The following GDAP1 variants were observed in gnomAD, a reference collection of about 807,000 sequenced individuals.
GDAP1 encodes the protein ganglioside-induced differentiation-associated protein 1.
In GDAP1, 34 loss-of-function variants were observed where a neutral mutation model predicts 40.1. The observed-to-expected ratio is 0.85, with a 90% CI of 0.64 to 1.13. GDAP1 has a LOEUF of 1.13. Ranked by LOEUF, GDAP1 falls within the 50% of genes most tolerant of loss-of-function variation. GDAP1 has a pLI of 0.00. For missense variants in GDAP1, 374 were observed against 433.7 expected (o/e 0.86, Z 1.22); for synonymous variants, 170 against 157.4 (o/e 1.08, Z -0.60).
rs556112902 is a variant in GDAP1 at position 74,464,343 on chromosome 8, G to A, written c.166-24335G>A. Among the ~76,000 whole-genome samples, 15 of 152,254 alleles carry A rather than the reference G, an allele frequency of 9.9e-5. No individual in the cohort carries two copies. In the East Asian group the frequency reaches 2.9e-3, roughly 29 times the overall value. The stretch of plus-strand genomic sequence containing the variant: ...GATAAGTTGTAGCATTATAGCAGAG[G>A]GATCCAGGCTGCAGTAAAATTCAAA... On this transcript the variant is annotated intron_variant, in intron 2 of 2. Coordinates refer to the GDAP1 transcript ENST00000523640.
intron 2 of GDAP1, among the ~76,000 whole-genome samples, chr8:74,357,228 GTCTT>G (rs1343565241): frequency 6.6e-6 from 1 of 152,168 alleles, no homozygotes; most frequent in Non-Finnish European, 1.5e-5. Context: ...ACCTAGGGGA[GTCTT>G]TCTTGAAAAC....
In GDAP1 at chr8:74,351,435, C is replaced by T; in HGVS notation, c.279C>T (p.Ile93=). The T allele has an allele frequency of 6.2e-7, 1 of 1,613,860 alleles. No homozygotes were observed. The highest frequency in any genetic ancestry group is 8.5e-7 in the Non-Finnish European group (1 of 1,179,734). The change falls in exon 2 of 6, where the codon ATC becomes ATT. Residue 93 remains isoleucine (I), a synonymous_variant. Coordinates refer to ENST00000220822, the MANE Select transcript of GDAP1 (RefSeq NM_018972.4). ...GENIICEATQ[I]IDYLEQTFLD... is the part of the protein sequence containing the mutation. ...ACATAATTTGTGAGGCCACTCAGAT[C>T]ATTGATTATCTTGAACAGACTTTCC...
At chr8:74,452,371 G>T in intron 2 of GDAP1, among the ~76,000 whole-genome samples, 1 of 83,376 alleles carries the variant, frequency 1.2e-5, no homozygotes, top group Non-Finnish European at 2.4e-5. Flanking sequence ...TTTGGTCCAT[G>T]TTTCTCTTTC....
intron 2 of GDAP1, among the ~76,000 whole-genome samples, chr8:74,482,515 C>T (rs1303182171): frequency 2.0e-5 from 3 of 151,734 alleles, no homozygotes; most frequent in African/African-American, 7.3e-5. Flanking sequence ...AAAAACAAAA[C>T]AAAAATGGTT....
At chr8:74,419,687 C>G (rs1309421161) in intron 2 of GDAP1, among the ~76,000 whole-genome samples, 1 of 151,840 alleles carries the variant, frequency 6.6e-6, no homozygotes, top group African/African-American at 2.4e-5. Flanking sequence ...TTTATTTTTT[C>G]TTTTCTTGCT....
At chr8:74,396,813 CAT>C (rs767905014) in intron 2 of GDAP1, among the ~76,000 whole-genome samples, 2 of 152,274 alleles carry the variant, frequency 1.3e-5, no homozygotes, top group East Asian at 1.9e-4. Context: ...CCGCAATAAA[CAT>C]ATGTGTGCAT....
intron 2 of GDAP1, among the ~76,000 whole-genome samples, chr8:74,473,524 T>C (rs1378509761): frequency 1.3e-5 from 2 of 152,258 alleles, no homozygotes; most frequent in Non-Finnish European, 2.9e-5. Flanking sequence ...GGTTAGCCAG[T>C]TATTCCAGCA....
chr8:74,488,213 A>G (rs1806799368), intron 2 of GDAP1, among the ~76,000 whole-genome samples: 2 of 152,200 alleles, frequency 1.3e-5, no homozygotes, highest in South Asian at 2.1e-4. Flanking sequence ...TTTGATCCAC[A>G]GGCATTTTGA....
intron 2 of GDAP1, among the ~76,000 whole-genome samples, chr8:74,433,227 T>C (rs1416851956): frequency 6.6e-6 from 1 of 152,202 alleles, no homozygotes; most frequent in Non-Finnish European, 1.5e-5. Flanking sequence ...CATTATCTTA[T>C]ACTATTTTCT....
chr8:74,436,445 C>T (rs925817226), intron 2 of GDAP1, among the ~76,000 whole-genome samples: 2 of 136,620 alleles, frequency 1.5e-5, no homozygotes, highest in Non-Finnish European at 1.5e-5. Context: ...TTTTCTGAGA[C>T]GGAGTCTCAC....
chr8:74,353,750 A>G (rs752255862), intron 2 of GDAP1, among the ~76,000 whole-genome samples: 16 of 152,234 alleles, frequency 1.1e-4, no homozygotes, highest in Non-Finnish European at 1.8e-4. Context: ...CAAGAGCCCC[A>G]TGTGATTCGT....
Position 74,411,653 on chromosome 8 carries a change from G to A in GDAP1, c.165+60332G>A, listed in dbSNP as rs571048625. Among the ~76,000 whole-genome samples, 29 of 148,566 alleles carry A rather than the reference G, an allele frequency of 2.0e-4. 5 individuals carry two copies. The highest frequency in any genetic ancestry group is 7.6e-4 in the African/African-American group (29 of 38,250). On this transcript the variant is annotated intron_variant, in intron 2 of 2. Coordinates refer to the GDAP1 transcript ENST00000523640. Reference sequence around the variant, plus strand: ...TCCCAGTACTTTGGGAGTCCAAGGTGGGAAGATCGCTTGAACCCAGGAGTT... The same window carrying A: ...TCCCAGTACTTTGGGAGTCCAAGGTAGGAAGATCGCTTGAACCCAGGAGTT...
At chr8:74,437,454 A>G (rs943890899) in intron 2 of GDAP1, among the ~76,000 whole-genome samples, 3 of 152,182 alleles carry the variant, frequency 2.0e-5, no homozygotes, top group African/African-American at 4.8e-5. Context: ...TTTTAAATTC[A>G]TATTAATTTA....
intron 2 of GDAP1, among the ~76,000 whole-genome samples, chr8:74,433,443 C>T (rs958352381): frequency 6.6e-6 from 1 of 152,078 alleles, no homozygotes; most frequent in Non-Finnish European, 1.5e-5. Context: ...GTTAGATGAA[C>T]ATTTTCTAAC....
chr8:74,482,371 C>T (rs1159693900), intron 2 of GDAP1, among the ~76,000 whole-genome samples: 3 of 152,242 alleles, frequency 2.0e-5, no homozygotes, highest in South Asian at 4.1e-4. Context: ...CCTCTACTTC[C>T]TCTTCTGATC....
intron 2 of GDAP1, among the ~76,000 whole-genome samples, chr8:74,356,171 T>C (rs1363004291): frequency 2.6e-5 from 4 of 152,176 alleles, no homozygotes; most frequent in Non-Finnish European, 4.4e-5. Flanking sequence ...ATATACCATA[T>C]GGCATGGAAA....
At chr8:74,483,876 G>A (rs1395044163) in intron 2 of GDAP1, among the ~76,000 whole-genome samples, 3 of 152,106 alleles carry the variant, frequency 2.0e-5, no homozygotes, top group African/African-American at 7.2e-5. Context: ...GTGTCCCAGG[G>A]CCACCTTACG....
intron 2 of GDAP1, among the ~76,000 whole-genome samples, chr8:74,398,603 G>C (rs1420151828): frequency 6.6e-6 from 1 of 152,208 alleles, no homozygotes; most frequent in Non-Finnish European, 1.5e-5. Flanking sequence ...GGAGTGGTGA[G>C]AGAGGGCATC....
chr8:74,392,148 T>C (rs1241464305), intron 2 of GDAP1, among the ~76,000 whole-genome samples: 1 of 152,168 alleles, frequency 6.6e-6, no homozygotes, highest in Non-Finnish European at 1.5e-5. Flanking sequence ...TACATATTGA[T>C]TTCAGATACA....
Sources: allele counts gnomAD v4.1 joint callset (sites outside exome capture counted in the v4.1 genomes callset), GRCh38; gene constraint gnomAD v4.1.1; transcripts MANE v1.5; gene names NCBI Gene and HGNC (gene_info 2026-07-23, HGNC 2026-07-21).